CARHSP1: variants seen among roughly 807,000 people sequenced by gnomAD.
CARHSP1 encodes calcium regulated heat stable protein 1, also known as calcium-regulated heat-stable protein 1.
A neutral mutation model predicts 12.5 loss-of-function variants in CARHSP1; 14 were observed. The observed-to-expected ratio is 1.12, with a 90% CI of 0.74 to 1.75. The LOEUF (loss-of-function observed/expected upper bound fraction) is 1.75, where lower values mean the gene tolerates loss of function less well. CARHSP1 is among the 40% of genes most tolerant of loss of function. The pLI, the probability that CARHSP1 is intolerant of heterozygous loss-of-function variation, is 0.00. For missense variants in CARHSP1, 343 were observed against 201.6 expected (o/e 1.70, Z -4.25); for synonymous variants, 161 against 82.0 (o/e 1.96, Z -5.20).
At chr16:8,865,661 G>A (rs1417996458) in intron 1 of CARHSP1, among the ~76,000 whole-genome samples, 2 of 152,312 alleles carry the variant, frequency 1.3e-5, no homozygotes, top group Non-Finnish European at 1.5e-5. Context: ...GTAGTGGCCC[G>A]CACTATGGGG....
At chr16:8,860,607 G>C in intron 1 of CARHSP1, 1 of 683,578 alleles carries the variant, frequency 1.5e-6, no homozygotes, top group Non-Finnish European at 1.8e-6. Context: ...GGCATCACTT[G>C]GCACCTGCGC....
At chr16:8,861,426 T>A (rs1226582629) in intron 1 of CARHSP1, among the ~76,000 whole-genome samples, 1 of 150,694 alleles carries the variant, frequency 6.6e-6, no homozygotes, top group African/African-American at 2.4e-5. Context: ...GCCCCCCCAG[T>A]CCCCTCATTT....
At chr16:8,862,036 G>A (rs1596542041) in intron 1 of CARHSP1, among the ~76,000 whole-genome samples, 1 of 116,182 alleles carries the variant, frequency 8.6e-6, no homozygotes, top group Non-Finnish European at 1.7e-5. Context: ...ATGGAGTCCT[G>A]CTGTCGCCCA....
Position 8,858,401 on chromosome 16 carries a change from C to T in CARHSP1, c.230G>A (p.Gly77Asp). Residue 77 changes from glycine to aspartate, a missense_variant, in exon 3 of 4, where the codon GGC (glycine) becomes GAC (aspartate). Gly to Asp is a moderately conservative substitution (Grantham distance 94, BLOSUM62 -1). Coordinates refer to ENST00000311052, the MANE Select transcript of CARHSP1 (RefSeq NM_014316.4). ...CKCFCRSKGH[G>D]FITPADGGPD... Reference sequence around the variant, plus strand: ...GCCGCCATCAGCTGGAGTAATGAAGCCATGGCCCTTGGACCGGCAGAAGCA... The same window carrying T: ...GCCGCCATCAGCTGGAGTAATGAAGTCATGGCCCTTGGACCGGCAGAAGCA... 1 of 1,614,086 alleles carries T rather than the reference C, an allele frequency of 6.2e-7. No homozygotes were observed. The highest frequency in any genetic ancestry group is 8.5e-7 in the Non-Finnish European group (1 of 1,180,008).
intron 1 of CARHSP1, among the ~76,000 whole-genome samples, chr16:8,862,278 A>AT (rs1400642009): frequency 6.6e-6 from 1 of 152,040 alleles, no homozygotes; most frequent in African/African-American, 2.4e-5. Context: ...GGGAATTATA[A>AT]TAGTCCCGAT....
chr16:8,857,274 T>TTGTTTTTTG lies in CARHSP1; in HGVS notation c.281+1075_281+1076insCAAAAAACA, dbSNP rs1567181170. On this transcript the variant is annotated intron_variant, in intron 3 of 3. Coordinates refer to ENST00000311052, the MANE Select transcript of CARHSP1 (RefSeq NM_014316.4). Reference sequence around the variant, plus strand: ...TCTTGGGCAGATCTGTTTTTTTTTTTTTTTTTTTTTTTTTTTTTTTTTTTT... The same window carrying TTGTTTTTTG: ...TCTTGGGCAGATCTGTTTTTTTTTTTTGTTTTTTGTTTTTTTTTTTTTTTTTTTTTTTTT... Among the ~76,000 whole-genome samples, 101 of 97,490 alleles carry TTGTTTTTTG rather than the reference T, an allele frequency of 1.0e-3. 4 individuals are homozygous for TTGTTTTTTG. The highest frequency in any genetic ancestry group is 3.6e-3 in the African/African-American group (70 of 19,348). 64.0% of individuals were successfully genotyped at this position (97,490 alleles called of 152,430 possible).
At chr16:8,857,077 G>C (rs894675003) in intron 3 of CARHSP1, among the ~76,000 whole-genome samples, 2 of 152,080 alleles carry the variant, frequency 1.3e-5, no homozygotes, top group African/African-American at 4.8e-5. Flanking sequence ...AGGCCAAACA[G>C]GGCTCCCCAG....
At chr16:8,857,263 G>GTTTTTTGGTTTTTTTTTTTTT (rs1315960023) in intron 3 of CARHSP1, among the ~76,000 whole-genome samples, 1 of 57,006 alleles carries the variant, frequency 1.8e-5, no homozygotes, top group Non-Finnish European at 3.7e-5. Flanking sequence ...GGGCAGATCT[G>GTTTTTTGGTTTTTTTTTTTTT]TTTTTTTTTT....
At chr16:8,856,067 C>T (rs553851684) in intron 3 of CARHSP1, among the ~76,000 whole-genome samples, 23 of 152,138 alleles carry the variant, frequency 1.5e-4, no homozygotes, top group East Asian at 3.9e-4. Flanking sequence ...CCTCAGCCTC[C>T]GAAAGTGCTG....
At chr16:8,860,137 G>T (rs999305763) in intron 1 of CARHSP1, 3 of 985,438 alleles carry the variant, frequency 3.0e-6, no homozygotes, top group Non-Finnish European at 2.4e-6. Flanking sequence ...GGGAACTGTG[G>T]AACACGTCGC....
chr16:8,858,222 A>G (rs149642668), intron 3 of CARHSP1, 128 bp downstream of exon 3: 17 of 1,107,936 alleles, frequency 1.5e-5, no homozygotes, highest in Middle Eastern at 3.0e-4. Context: ...AGCCACAGGC[A>G]GAGTCACACA....
At chr16:8,858,494 C>CT in intron 2 of CARHSP1, 22 bp from the exon 3 acceptor site, 1 of 1,611,516 alleles carries the variant, frequency 6.2e-7, no homozygotes, top group Non-Finnish European at 8.5e-7. Flanking sequence ...GGGGAAATGT[C>CT]AGGGGCCCCA....
chr16:8,866,534 A>G (rs1471196189), intron 1 of CARHSP1: 5 of 920,808 alleles, frequency 5.4e-6, no homozygotes, highest in Non-Finnish European at 6.5e-6. Context: ...ACGTGGGCCG[A>G]GAGGCGGGGC....
At chr16:8,863,304 G>A (rs954658166) in intron 1 of CARHSP1, among the ~76,000 whole-genome samples, 1 of 129,788 alleles carries the variant, frequency 7.7e-6, no homozygotes, top group Admixed American at 8.3e-5. Flanking sequence ...GTAGAGACAG[G>A]GTTTCAATAT....
Position 8,858,491 on chromosome 16 carries a change from T to C in CARHSP1, c.159-19A>G, listed in dbSNP as rs749459964. On this transcript the variant is annotated intron_variant, in intron 2 of 3. Coordinates refer to ENST00000311052, the MANE Select transcript of CARHSP1 (RefSeq NM_014316.4). ...CACCGTCCTGACAGAGAGGGGGAAATGTCAGGGGCCCCATCAGCGCTCCTG... is the reference window on the plus strand; with the variant it reads ...CACCGTCCTGACAGAGAGGGGGAAACGTCAGGGGCCCCATCAGCGCTCCTG... The C allele has an allele frequency of 1.9e-6, 3 of 1,612,000 alleles. No homozygotes were observed. The highest frequency in any genetic ancestry group is 2.2e-5 in the South Asian group (2 of 91,020).
intron 2 of CARHSP1, 117 bp from the exon 3 acceptor site, chr16:8,858,589 A>T: frequency 7.8e-7 from 1 of 1,281,582 alleles, no homozygotes; most frequent in Admixed American, 2.3e-5. Context: ...CGCCATGTAC[A>T]GTCACACAGG....
intron 2 of CARHSP1, 127 bp from the exon 3 acceptor site, chr16:8,858,599 G>T (rs1470991281): frequency 5.3e-6 from 6 of 1,136,258 alleles, no homozygotes; most frequent in Admixed American, 2.6e-5. Flanking sequence ...AGTCACACAG[G>T]CTGAGGACTG....
At chr16:8,858,986 T>A in intron 2 of CARHSP1, 185 bp downstream of exon 2, 1 of 532,730 alleles carries the variant, frequency 1.9e-6, no homozygotes, top group Non-Finnish European at 3.2e-6. Flanking sequence ...TCTTCTGGGC[T>A]GGGCAGTACC....
chr16:8,859,683 A>C, intron 1 of CARHSP1: 1 of 180,592 alleles, frequency 5.5e-6, no homozygotes. Context: ...TGAGCAGAAA[A>C]CCCAAAGCCA....
Sources: gnomAD v4.1 joint callset for allele counts (sites outside exome capture counted in the v4.1 genomes callset) on GRCh38, gnomAD v4.1.1 for gene constraint, MANE v1.5 for transcripts, NCBI Gene and HGNC (gene_info 2026-07-23, HGNC 2026-07-21) for gene names.